The following DDOST variants were observed in gnomAD, a reference collection of about 807,000 sequenced individuals.
The protein encoded by DDOST is dolichyl-diphosphooligosaccharide--protein glycosyltransferase 48 kDa subunit.
Under a neutral mutation model 47.6 loss-of-function variants are expected in DDOST, and 25 were observed. The ratio of observed to expected loss-of-function variants is 0.53; its 90% CI spans 0.38 to 0.73. The LOEUF (loss-of-function observed/expected upper bound fraction) is 0.73. Among genes scored for constraint, DDOST ranks in the 30% least tolerant of loss-of-function variants. The pLI is 0.00. For missense variants in DDOST, 526 were observed against 573.9 expected, an observed-to-expected ratio of 0.92 and a Z score of 0.85; for synonymous variants, 275 against 236.0, an observed-to-expected ratio of 1.17 and a Z score of -1.51.
intron 2 of DDOST, among the ~76,000 whole-genome samples, chr1:20,658,796 T>C (rs1437480131): frequency 6.6e-6 from 1 of 152,182 alleles, no homozygotes; most frequent in Non-Finnish European, 1.5e-5. Flanking sequence ...TTTTCGGTGG[T>C]AATTCTGGGC....
In DDOST at chr1:20,661,348, C is replaced by CATCTTCCTCCTCCTGCCGAAGGACCCA; in HGVS notation, c.2_3insTGGGTCCTTCGGCAGGAGGAGGAAGAT (p.Asp1_?0). 1 of 1,613,030 alleles carries CATCTTCCTCCTCCTGCCGAAGGACCCA rather than the reference C, an allele frequency of 6.2e-7. No individual in the cohort carries two copies. The highest frequency in any genetic ancestry group is 8.5e-7 in the Non-Finnish European group (1 of 1,179,822). ...AAGCCCGGGCCGCGGTGCTGGGCTC[C>CATCTTCCTCCTCCTGCCGAAGGACCCA]ATCTTCCTCCTCCTGCCGAAGGACC... is the stretch of plus-strand genomic sequence containing the variant. On this transcript the variant is annotated start_lost and start_retained_variant, in exon 1 of 11. Coordinates refer to ENST00000602624, the MANE Select transcript of DDOST (RefSeq NM_005216.5).
chr1:20,653,559 G>T, intron 8 of DDOST, 68 bp downstream of exon 8: 1 of 1,468,468 alleles, frequency 6.8e-7, no homozygotes, highest in Non-Finnish European at 9.2e-7. Flanking sequence ...TGTTCAATAA[G>T]TGCTTCTGAG....
At chr1:20,656,820 C>A (rs974690527) in intron 2 of DDOST, among the ~76,000 whole-genome samples, 10 of 152,210 alleles carry the variant, frequency 6.6e-5, no homozygotes, top group Admixed American at 4.6e-4. Context: ...AGATCCTATC[C>A]TTTTCTGGTC....
chr1:20,652,052 C>T lies in DDOST; in HGVS notation c.*327G>A, dbSNP rs1011722390. On this transcript the variant is annotated 3_prime_UTR_variant, in exon 11 of 11. Transcript: ENST00000602624. ...GTGTTAGCCAGGATAGTCTCGATCT[C>T]CTGACCTCGTGAGCCGCCTGCCTCG... 5.1e-6 allele frequency: 1 copy of T among 196,062 alleles called. No homozygotes were observed. 12.1% of individuals were successfully genotyped at this position (196,062 alleles called of 1,614,324 possible).
At chr1:20,661,045 T>C in intron 1 of DDOST, 54 bp from the exon 2 acceptor site, 1 of 1,503,710 alleles carries the variant, frequency 6.7e-7, no homozygotes, top group South Asian at 1.1e-5. Flanking sequence ...GGGAAACCCC[T>C]GCTGCAGACA....
At chr1:20,655,162 C>CT (rs757852250) in intron 5 of DDOST, among the ~76,000 whole-genome samples, 111 of 86,912 alleles carry the variant, frequency 1.3e-3, no homozygotes, top group African/African-American at 4.6e-3. Flanking sequence ...GCTCGGCCAA[C>CT]TTTTTTTTGT....
intron 2 of DDOST, 23 bp from the exon 3 acceptor site, chr1:20,656,210 G>C: frequency 6.3e-7 from 1 of 1,596,926 alleles, no homozygotes; most frequent in Non-Finnish European, 8.6e-7. Flanking sequence ...ACCAGACACA[G>C]TGACCCAGAG....
intron 2 of DDOST, 166 bp downstream of exon 2, chr1:20,660,715 T>C: frequency 1.7e-6 from 1 of 581,858 alleles, no homozygotes; most frequent in Non-Finnish European, 3.1e-6. Context: ...AGATGTACCC[T>C]CCTAGGGTCA....
In DDOST at chr1:20,653,592, AC is replaced by A. The variant is rs35610874; in HGVS notation, c.942+34del. 0.13 allele frequency: 198,946 copies of A among 1,540,436 alleles called. 13,873 individuals carry two copies. The highest frequency in any genetic ancestry group is 0.14 in the Non-Finnish European group (160,682 of 1,138,936). ...GAGCTGAGCTCAGTCAGCTTGGCAAACCCTTTGGGCCCTCCCACCCCAAACA... is the reference window on the plus strand; with the variant it reads ...GAGCTGAGCTCAGTCAGCTTGGCAAACCTTTGGGCCCTCCCACCCCAAACA... On this transcript the variant is annotated intron_variant, in intron 8 of 10. Transcript: ENST00000602624.
chr1:20,651,818 T>TTTATTTATTTATTTA lies in DDOST; in HGVS notation c.*546_*560dup, dbSNP rs1411430968. ...CGCTTTATTTTTATTTATTTATTTA[T>TTTATTTATTTATTTA]TTATTTATTTATTTATTTATATTTG... On this transcript the variant is annotated 3_prime_UTR_variant, in exon 11 of 11. Transcript: ENST00000602624. 1 of 150,942 alleles carries TTTATTTATTTATTTA rather than the reference T, an allele frequency of 6.6e-6. No individual in the cohort carries two copies. The highest frequency in any genetic ancestry group is 1.5e-5 in the Non-Finnish European group (1 of 67,880). 9.4% of individuals were successfully genotyped at this position (150,942 alleles called of 1,614,324 possible).
chr1:20,656,331 T>G, intron 2 of DDOST, 144 bp from the exon 3 acceptor site: 1 of 637,552 alleles, frequency 1.6e-6, no homozygotes, highest in South Asian at 1.9e-5. Flanking sequence ...GGGAGAGGCT[T>G]CCCACACCAC....
intron 6 of DDOST, 44 bp downstream of exon 6, chr1:20,654,570 T>C: frequency 6.7e-7 from 1 of 1,503,520 alleles, no homozygotes. Context: ...TGTGCTGTTC[T>C]GCTTCATTTT....
intron 1 of DDOST, 100 bp from the exon 2 acceptor site, chr1:20,661,091 G>A (rs991973558): frequency 1.3e-6 from 2 of 1,486,778 alleles, no homozygotes; most frequent in Middle Eastern, 2.1e-4. Flanking sequence ...GGCCAGACCC[G>A]GGCGGCCTGC....
At position 20,661,043 on chromosome 1, in the gene DDOST, C is replaced by A. The variant is rs1302501084; in HGVS notation, c.155-52G>T. ...GGAAGACGGGACGCGAAGGGAAACC[C>A]CTGCTGCAGACATCGCGGACCCGCA... is the stretch of plus-strand genomic sequence containing the variant. On this transcript the variant is annotated intron_variant, in intron 1 of 10. Coordinates refer to ENST00000602624, the MANE Select transcript of DDOST (RefSeq NM_005216.5). 4 of 1,511,684 alleles carry A rather than the reference C, an allele frequency of 2.6e-6. No homozygotes were observed. The African/African-American group carries it at 4.1e-5, about 16-fold the overall frequency. The allele number at this position is 1,511,684 out of a possible 1,614,324, so 93.6% of individuals were successfully genotyped here. A position where few individuals can be genotyped will look rare whatever the true frequency, so the allele number is the denominator to read the frequency against.
intron 5 of DDOST, among the ~76,000 whole-genome samples, chr1:20,655,220 A>C (rs1484455000): frequency 7.1e-6 from 1 of 141,418 alleles, no homozygotes; most frequent in African/African-American, 2.6e-5. Flanking sequence ...TGTGTTGCCC[A>C]GGCTGCTCTC....
chr1:20,661,063 C>A, intron 1 of DDOST, 72 bp from the exon 2 acceptor site: 1 of 1,478,666 alleles, frequency 6.8e-7, no homozygotes, highest in Non-Finnish European at 9.4e-7. Context: ...ACATCGCGGA[C>A]CCGCACGCCA....
intron 2 of DDOST, among the ~76,000 whole-genome samples, chr1:20,656,999 G>A (rs939254531): frequency 6.6e-6 from 1 of 152,190 alleles, no homozygotes; most frequent in African/African-American, 2.4e-5. Flanking sequence ...CTTGTGAGCC[G>A]AGAAGAAAAA....
intron 2 of DDOST, among the ~76,000 whole-genome samples, chr1:20,656,594 A>C (rs1479067549): frequency 6.6e-6 from 1 of 152,176 alleles, no homozygotes; most frequent in Non-Finnish European, 1.5e-5. Flanking sequence ...GAGCCTGTCA[A>C]TTCCACCCTG....
chr1:20,658,270 G>A (rs576080903), intron 2 of DDOST, among the ~76,000 whole-genome samples: 35 of 152,240 alleles, frequency 2.3e-4, no homozygotes, highest in African/African-American at 4.8e-4. Flanking sequence ...GGAGCCTTCC[G>A]ATGCCAGAGG....
Sources: gnomAD v4.1 joint callset for allele counts (sites outside exome capture counted in the v4.1 genomes callset) on GRCh38, gnomAD v4.1.1 for gene constraint, MANE v1.5 for transcripts, NCBI Gene and HGNC (gene_info 2026-07-23, HGNC 2026-07-21) for gene names.